The following PLCG2 variants were observed in gnomAD, a reference collection of about 807,000 sequenced individuals.
PLCG2 encodes 1-phosphatidylinositol 4,5-bisphosphate phosphodiesterase gamma-2.
In PLCG2, 69 loss-of-function variants were observed where a neutral mutation model predicts 175.6. The observed-to-expected ratio is 0.39, with a 90% confidence interval of 0.32 to 0.48. The LOEUF (loss-of-function observed/expected upper bound fraction) is 0.48. PLCG2 is among the 20% of genes least tolerant of loss of function. The pLI is 0.91. For synonymous variants in PLCG2, 827 were observed against 624.0 expected (o/e 1.33, Z -4.85); for missense variants, 1,798 against 1,650.9 (o/e 1.09, Z -1.54).
At chr16:81,929,602 G>C (rs1460755290) in intron 24 of PLCG2, among the ~76,000 whole-genome samples, 1 of 152,140 alleles carries the variant, frequency 6.6e-6, no homozygotes, top group Non-Finnish European at 1.5e-5. Context: ...CGCCATGTGG[G>C]CCAGGCTGGT....
At chr16:81,836,909 C>A (rs1436794223) in intron 2 of PLCG2, among the ~76,000 whole-genome samples, 1 of 152,196 alleles carries the variant, frequency 6.6e-6, no homozygotes, top group African/African-American at 2.4e-5. Flanking sequence ...CCCTGCTGTG[C>A]ACACGGGCAT....
At chr16:81,843,058 A>G (rs1253321324) in intron 2 of PLCG2, among the ~76,000 whole-genome samples, 4 of 151,920 alleles carry the variant, frequency 2.6e-5, no homozygotes, top group African/African-American at 9.7e-5. Context: ...TTGTGCAAAG[A>G]TGAAGCCTCA....
intron 2 of PLCG2, among the ~76,000 whole-genome samples, chr16:81,790,802 G>A (rs1911197664): frequency 6.6e-6 from 1 of 152,078 alleles, no homozygotes; most frequent in Non-Finnish European, 1.5e-5. Flanking sequence ...GGGGCATTTG[G>A]CAAAGTCTGG....
chr16:81,807,228 C>G (rs527326955), intron 2 of PLCG2, among the ~76,000 whole-genome samples: 21 of 152,168 alleles, frequency 1.4e-4, no homozygotes, highest in Non-Finnish European at 2.5e-4. Flanking sequence ...GTGTCCTCCT[C>G]CTACATCAGG....
chr16:81,744,063 T>G (rs1231341068), intron 1 of PLCG2, among the ~76,000 whole-genome samples: 3 of 152,038 alleles, frequency 2.0e-5, no homozygotes, highest in African/African-American at 7.2e-5. Context: ...TTTCACTGTG[T>G]TGGCCAGGAT....
chr16:81,893,880 A>G (rs1908756879), intron 12 of PLCG2, 86 bp downstream of exon 12: 6 of 827,208 alleles, frequency 7.3e-6, no homozygotes, highest in African/African-American at 3.4e-5. Flanking sequence ...TTCGAATTGT[A>G]AAAAGGTTTT....
chr16:81,904,996 T>C (rs1256909738), intron 14 of PLCG2, among the ~76,000 whole-genome samples: 1 of 152,184 alleles, frequency 6.6e-6, no homozygotes, highest in African/African-American at 2.4e-5. Flanking sequence ...CAAGCAATCT[T>C]ACTGTCTCAG....
At chr16:81,848,092 C>T (rs78369473) in intron 2 of PLCG2, among the ~76,000 whole-genome samples, 4,483 of 152,268 alleles carry the variant, frequency 0.029, 81 homozygotes, top group South Asian at 0.044. Flanking sequence ...CTTACTCTAA[C>T]GTTCCAGTAA....
At chr16:81,818,803 G>C (rs1045266023) in intron 2 of PLCG2, among the ~76,000 whole-genome samples, 159 of 151,530 alleles carry the variant, frequency 1.0e-3, no homozygotes, top group African/African-American at 3.6e-3. Context: ...GTGGAGGGCA[G>C]CCTCATGAGA....
chr16:81,759,492 C>T (rs1909994566), intron 2 of PLCG2, among the ~76,000 whole-genome samples: 1 of 152,272 alleles, frequency 6.6e-6, no homozygotes, highest in East Asian at 1.9e-4. Context: ...TTCAATGAGT[C>T]TCCCAAGCAG....
At chr16:81,905,126 ATCTG>A (rs1457876977) in intron 14 of PLCG2, among the ~76,000 whole-genome samples, 3 of 152,200 alleles carry the variant, frequency 2.0e-5, no homozygotes, top group Admixed American at 2.0e-4. Flanking sequence ...AGCTCAAGTG[ATCTG>A]TCTGCTTCAG....
In PLCG2 at chr16:81,771,699, C is replaced by A. The variant is rs75918889; in HGVS notation, c.-47-14244C>A. 9.2e-3 allele frequency among the ~76,000 whole-genome samples: 697 copies of A among 75,616 alleles called. 10 individuals carry two copies. In the East Asian group the frequency reaches 0.1, roughly 11 times the overall value. 49.6% of individuals were successfully genotyped at this position (75,616 alleles called of 152,430 possible). A position where few individuals can be genotyped will look rare whatever the true frequency, so the allele number is the denominator to read the frequency against. Reference sequence around the variant, plus strand: ...CCCCCAACCCCCCACCCAAAAAAAACAACAACAAAAAAACTAAGTCCTAAA... The same window carrying A: ...CCCCCAACCCCCCACCCAAAAAAAAAAACAACAAAAAAACTAAGTCCTAAA... On this transcript the variant is annotated intron_variant, in intron 2 of 5. Coordinates refer to the PLCG2 transcript ENST00000565054.
rs1205039532 is a variant in PLCG2, at chr16:81,959,609, C to T, written c.*1611C>T. The T allele has an allele frequency of 5.1e-6, 1 of 194,432 alleles. No homozygotes were observed. The highest frequency in any genetic ancestry group is 8.1e-5 in the East Asian group (1 of 12,414). The allele number at this position is 194,432 out of a possible 1,614,324, so 12.0% of individuals were successfully genotyped here. On this transcript the variant is annotated 3_prime_UTR_variant, in exon 33 of 33. Coordinates refer to ENST00000564138, the MANE Select transcript of PLCG2 (RefSeq NM_002661.5). ...GCTATCACTCCAGTTACTCCTCCAA[C>T]TGGGAGCTGCTATTTTATTTGGCAG...
intron 11 of PLCG2, 49 bp from the exon 12 acceptor site, chr16:81,893,660 A>G (rs1415448577): frequency 1.7e-6 from 2 of 1,155,616 alleles, no homozygotes; most frequent in African/African-American, 1.5e-5. Context: ...TTGCCCCCCA[A>G]CCCCTGTGGC....
At chr16:81,763,498 G>A (rs1284223448) in intron 2 of PLCG2, among the ~76,000 whole-genome samples, 2 of 152,242 alleles carry the variant, frequency 1.3e-5, no homozygotes, top group African/African-American at 4.8e-5. Context: ...CTGGGAAGAT[G>A]TGAGCAGAGG....
chr16:81,761,105 C>A (rs918898999), intron 2 of PLCG2, among the ~76,000 whole-genome samples: 1 of 152,154 alleles, frequency 6.6e-6, no homozygotes, highest in African/African-American at 2.4e-5. Flanking sequence ...CTATGTTGCC[C>A]AGGCTGGTCT....
intron 14 of PLCG2, among the ~76,000 whole-genome samples, chr16:81,904,644 C>T (rs552676467): frequency 2.0e-5 from 3 of 152,312 alleles, no homozygotes; most frequent in East Asian, 1.9e-4. Flanking sequence ...GAAGGCTGGG[C>T]ACAGGTGGTG....
intron 31 of PLCG2, among the ~76,000 whole-genome samples, chr16:81,950,310 C>A (rs781233456): frequency 6.6e-6 from 1 of 152,140 alleles, no homozygotes. Flanking sequence ...AATTTACGAT[C>A]AGAAGTACTA....
chr16:81,884,716 TTAAA>T (rs1908269515), intron 9 of PLCG2, among the ~76,000 whole-genome samples: 1 of 152,090 alleles, frequency 6.6e-6, no homozygotes, highest in Non-Finnish European at 1.5e-5. Context: ...TTGTTTTTTT[TTAAA>T]TAGAGTTTAT....
Sources: gnomAD v4.1 joint callset for allele counts (sites outside exome capture counted in the v4.1 genomes callset) on GRCh38, gnomAD v4.1.1 for gene constraint, MANE v1.5 for transcripts, NCBI Gene and HGNC (gene_info 2026-07-23, HGNC 2026-07-21) for gene names.